The following TMEM144 variants were observed in gnomAD, a reference collection of about 807,000 sequenced individuals.
TMEM144 encodes the protein transmembrane protein 144.
TMEM144 carries 39 observed loss-of-function variants against 43.6 expected under a neutral mutation model. That is an observed-to-expected ratio of 0.90 (90% CI 0.69 to 1.17). TMEM144 has a LOEUF of 1.17. Ranked by LOEUF, TMEM144 falls within the 50% of genes most tolerant of loss-of-function variation. The pLI is 0.00. For missense variants in TMEM144, 417 were observed against 411.9 expected (o/e 1.01, Z -0.11); for synonymous variants, 154 against 133.6 (o/e 1.15, Z -1.06).
intron 12 of TMEM144, among the ~76,000 whole-genome samples, chr4:158,248,947 C>G (rs1736030445): frequency 6.6e-6 from 1 of 152,164 alleles, no homozygotes; most frequent in Non-Finnish European, 1.5e-5. Context: ...CGCTCTGTTG[C>G]CCACGGTGGA....
At chr4:158,217,229 C>A in intron 4 of TMEM144, 92 bp from the exon 5 acceptor site, 1 of 854,674 alleles carries the variant, frequency 1.2e-6, no homozygotes, top group Non-Finnish European at 1.8e-6. Flanking sequence ...ATCACATGCA[C>A]TTCAGTTGAA....
At chr4:158,227,763 T>C (rs1734848597) in intron 6 of TMEM144, among the ~76,000 whole-genome samples, 1 of 152,212 alleles carries the variant, frequency 6.6e-6, no homozygotes, top group Admixed American at 6.5e-5. Flanking sequence ...CCTTGGGCCA[T>C]ACCTTTGAAA....
intron 12 of TMEM144, among the ~76,000 whole-genome samples, chr4:158,246,729 T>C (rs1307781154): frequency 7.9e-5 from 12 of 152,078 alleles, no homozygotes; most frequent in Non-Finnish European, 1.5e-4. Flanking sequence ...GATTTATTTA[T>C]ATTAAAGAAT....
At chr4:158,250,195 C>CATATATATAT (rs5863314) in intron 12 of TMEM144, among the ~76,000 whole-genome samples, 2,509 of 134,886 alleles carry the variant, frequency 0.019, 75 homozygotes, top group Non-Finnish European at 0.029. Flanking sequence ...TAATACATAA[C>CATATATATAT]ATATATATAT....
chr4:158,211,993 A>T (rs1411299383), intron 2 of TMEM144: 1 of 152,260 alleles, frequency 6.6e-6, no homozygotes, highest in Admixed American at 6.5e-5. Context: ...TATATACAAG[A>T]AGTTATTACT....
At chr4:158,234,782 A>G (rs1405033176) in intron 7 of TMEM144, 1 of 152,324 alleles carries the variant, frequency 6.6e-6, no homozygotes, top group Non-Finnish European at 1.5e-5. Flanking sequence ...GAGATGGAGA[A>G]GGACGATGCA....
chr4:158,252,781 C>T (rs1579164031), intron 12 of TMEM144, among the ~76,000 whole-genome samples: 1 of 142,888 alleles, frequency 7.0e-6, no homozygotes, highest in Admixed American at 7.5e-5. Context: ...GAACTCCAGC[C>T]TAGGTGACGG....
At chr4:158,223,443 A>AT (rs1302064640) in intron 6 of TMEM144, among the ~76,000 whole-genome samples, 3 of 151,782 alleles carry the variant, frequency 2.0e-5, no homozygotes, top group South Asian at 2.1e-4. Flanking sequence ...TTATTCATTT[A>AT]TTTTTTTTAC....
chr4:158,227,537 T>C (rs1734836552), intron 6 of TMEM144, among the ~76,000 whole-genome samples: 1 of 152,144 alleles, frequency 6.6e-6, no homozygotes, highest in African/African-American at 2.4e-5. Flanking sequence ...CTTATATATA[T>C]ATCTCTCTTT....
chr4:158,231,068 A>G (rs1012241693), intron 6 of TMEM144, among the ~76,000 whole-genome samples: 8 of 152,200 alleles, frequency 5.3e-5, no homozygotes, highest in East Asian at 1.9e-4. Flanking sequence ...GTCTCTTTGT[A>G]TAGTATTTCT....
At chr4:158,234,657 C>T (rs1308844996) in intron 7 of TMEM144, 1 of 152,262 alleles carries the variant, frequency 6.6e-6, no homozygotes, top group East Asian at 1.9e-4. Context: ...TAGTACCAAA[C>T]CTATATATAG....
At position 158,237,505 on chromosome 4, in the gene TMEM144, T is replaced by C. The variant is rs1439311144; in HGVS notation, c.564-20T>C. On this transcript the variant is annotated intron_variant, in intron 8 of 12. Coordinates refer to ENST00000296529, the MANE Select transcript of TMEM144 (RefSeq NM_018342.5). Reference sequence around the variant, plus strand: ...TACTGCTTTGAGCCAAGATTAATAGTGATTTATTTGTTTTGTAAGGGGCTG... The same window carrying C: ...TACTGCTTTGAGCCAAGATTAATAGCGATTTATTTGTTTTGTAAGGGGCTG... The C allele has an allele frequency of 2.0e-5, 32 of 1,562,676 alleles. No individual in the cohort carries two copies. In the Admixed American group the frequency reaches 5.3e-4, roughly 26 times the overall value.
chr4:158,231,483 T>G (rs1292979930), intron 6 of TMEM144, among the ~76,000 whole-genome samples: 1 of 152,148 alleles, frequency 6.6e-6, no homozygotes, highest in East Asian at 1.9e-4. Flanking sequence ...TAGAAAATCT[T>G]TAGAGAAAAA....
chr4:158,235,571 G>A (rs988605957), intron 8 of TMEM144, 66 bp downstream of exon 8: 4 of 1,468,810 alleles, frequency 2.7e-6, no homozygotes, highest in Non-Finnish European at 2.8e-6. Flanking sequence ...GGGATTACCA[G>A]CATGAAGTAA....
intron 11 of TMEM144, among the ~76,000 whole-genome samples, chr4:158,242,555 T>C (rs1735683444): frequency 6.6e-6 from 1 of 152,200 alleles, no homozygotes; most frequent in Non-Finnish European, 1.5e-5. Context: ...AGCAGTGCTG[T>C]TCTTCTCAGG....
intron 12 of TMEM144, among the ~76,000 whole-genome samples, chr4:158,246,754 T>G (rs192040264): frequency 6.1e-4 from 93 of 152,174 alleles, no homozygotes; most frequent in African/African-American, 2.2e-3. Flanking sequence ...TATTATCTCA[T>G]GTAAGATGCT....
chr4:158,250,777 G>A (rs1736162673), intron 12 of TMEM144, among the ~76,000 whole-genome samples: 1 of 152,190 alleles, frequency 6.6e-6, no homozygotes, highest in South Asian at 2.1e-4. Flanking sequence ...TTAGCCCTGA[G>A]GATTAGCCTC....
intron 8 of TMEM144, 169 bp from the exon 9 acceptor site, chr4:158,237,356 A>T (rs1735400608): frequency 1.7e-6 from 1 of 578,874 alleles, no homozygotes; most frequent in East Asian, 2.8e-5. Context: ...TGCCACTTTA[A>T]TACTGCAGGG....
rs1436733614 is a variant in TMEM144 at position 158,219,339 on chromosome 4, A to T, written c.362A>T (p.Glu121Val). 1 of 1,613,896 alleles carries T rather than the reference A, an allele frequency of 6.2e-7. No homozygotes were observed. Among genetic ancestry groups the T allele is most frequent in the South Asian group, 1.1e-5 (1 of 91,074 alleles). The change falls in exon 6 of 13, where the codon GAA becomes GTA. Residue 121 changes from glutamate to valine, a missense_variant. Transcript: ENST00000296529. Reference protein sequence around the residue: ...RFGWFGLDAEEVSNPLLNYIG... With the variant: ...RFGWFGLDAEVVSNPLLNYIG... ...GGCTGGTTTGGATTGGATGCAGAAGAAGTATCAAATCCGCTGCTAAATTAC... is the reference window on the plus strand; with the variant it reads ...GGCTGGTTTGGATTGGATGCAGAAGTAGTATCAAATCCGCTGCTAAATTAC...
Sources: gnomAD v4.1 joint callset for allele counts (sites outside exome capture counted in the v4.1 genomes callset) on GRCh38, gnomAD v4.1.1 for gene constraint, MANE v1.5 for transcripts, NCBI Gene and HGNC (gene_info 2026-07-23, HGNC 2026-07-21) for gene names.